CAMSAP3: variants seen among roughly 807,000 people sequenced by gnomAD.
CAMSAP3 encodes the protein calmodulin-regulated spectrin-associated protein 3.
In CAMSAP3, 34 loss-of-function variants were observed where a neutral mutation model predicts 112.5. That is an observed-to-expected ratio of 0.30 (90% CI 0.23 to 0.40). The LOEUF (loss-of-function observed/expected upper bound fraction) is 0.40, where lower values mean the gene tolerates loss of function less well. Ranked by LOEUF, CAMSAP3 falls within the 10% of genes least tolerant of loss-of-function variation. The pLI is 1.00. For missense variants in CAMSAP3, 1,602 were observed against 1,770.3 expected (o/e 0.90, Z 1.71); for synonymous variants, 868 against 799.8 (o/e 1.09, Z -1.44).
At chr19:7,608,072 C>T (rs201927154) in intron 4 of CAMSAP3, 54 bp from the exon 5 acceptor site, 69 of 1,584,790 alleles carry the variant, frequency 4.4e-5, no homozygotes, top group Admixed American at 1.7e-4. Flanking sequence ...CCTGCATGAC[C>T]GCTGACCCTG....
Position 7,610,845 on chromosome 19 carries a change from A to C in CAMSAP3, c.995-32A>C. ...GGTCGGGGGCGGGTGGGAGAGCCAA[A>C]CCCCCGCCTGACCCTCTTCTCTGTA... is the stretch of plus-strand genomic sequence containing the variant. On this transcript the variant is annotated intron_variant, in intron 7 of 16. Transcript: ENST00000160298. This position sits in a 1 kb window ranked among gnomAD's most constrained non-coding sequence, Gnocchi z 4.9. The C allele has an allele frequency of 1.2e-6, 2 of 1,608,754 alleles. No homozygotes were observed. Among genetic ancestry groups the C allele is most frequent in the South Asian group, 1.1e-5 (1 of 90,718 alleles).
At chr19:7,616,774 G>A in intron 14 of CAMSAP3, 152 bp downstream of exon 14, 1 of 621,252 alleles carries the variant, frequency 1.6e-6, no homozygotes, top group Non-Finnish European at 2.9e-6. Context: ...GGGCACGTGT[G>A]CATGGGGCAT....
chr19:7,617,509 GC>G lies in CAMSAP3; in HGVS notation c.3326-28del, dbSNP rs753390738. ...TCCACAGCCCCTGCTCATTCCTGCTGCCCCCCACCCCCTCCCACTGCCTCAC... is the reference window on the plus strand; with the variant it reads ...TCCACAGCCCCTGCTCATTCCTGCTGCCCCCACCCCCTCCCACTGCCTCAC... On this transcript the variant is annotated intron_variant, in intron 15 of 16. Transcript: ENST00000160298. This position sits in a 1 kb window ranked among gnomAD's most constrained non-coding sequence, Gnocchi z 7.5. 751 of 1,608,336 alleles carry G rather than the reference GC, an allele frequency of 4.7e-4. 1 individual carries two copies. Among genetic ancestry groups the G allele is most frequent in the Non-Finnish European group, 6.1e-4 (713 of 1,175,034 alleles).
Position 7,611,694 on chromosome 19 carries a change from C to T in CAMSAP3, c.1201C>T (p.Leu401Phe), listed in dbSNP as rs767683062. The T allele has an allele frequency of 6.4e-7, 1 of 1,558,688 alleles. No individual in the cohort carries two copies. The highest frequency in any genetic ancestry group is 8.7e-7 in the Non-Finnish European group (1 of 1,149,778). The change falls in exon 11 of 17, where the codon CTC (leucine) becomes TTC (phenylalanine). Residue 401 changes from leucine to phenylalanine, a missense_variant. By Grantham distance (22) the Leu-to-Phe change is conservative (BLOSUM62 0). Around this residue, in one of 6 missense-constraint regions of CAMSAP3, gnomAD observed 1,100 missense variants for 1,135.7 expected, o/e 0.97. Coordinates refer to ENST00000160298, the MANE Select transcript of CAMSAP3 (RefSeq NM_020902.2). This position sits in a 1 kb window ranked among gnomAD's most constrained non-coding sequence, Gnocchi z 6.9. ...KAWNRQLSRPLSQAVSFSTPF... is the reference protein window; with the variant it reads ...KAWNRQLSRPFSQAVSFSTPF... ...CTCCCTCCGGCCGCCCAGCCGTCCCCTCTCCCAGGCTGTGTCATTCAGCAC... is the reference window on the plus strand; with the variant it reads ...CTCCCTCCGGCCGCCCAGCCGTCCCTTCTCCCAGGCTGTGTCATTCAGCAC...
chr19:7,606,140 CGCCCCCTCAAGCCCCA>C, intron 2 of CAMSAP3, 115 bp from the exon 3 acceptor site: 2 of 451,832 alleles, frequency 4.4e-6, no homozygotes, highest in African/African-American at 2.2e-5. Context: ...CCACTGGCCC[CGCCCCCTCAAGCCCCA>C]CCCCCCCCGT....
Position 7,615,824 on chromosome 19 carries a change from T to C in CAMSAP3, c.3112+105T>C, listed in dbSNP as rs1393712260. The C allele has an allele frequency of 8.0e-5, 4 of 49,974 alleles. No individual in the cohort carries two copies. Among genetic ancestry groups the C allele is most frequent in the Non-Finnish European group, 1.3e-4 (4 of 30,260 alleles). 3.1% of individuals were successfully genotyped at this position (49,974 alleles called of 1,614,324 possible). ...AGGGGGAGGGAGATGTAAGCAGGGG[T>C]GCCGGGAGGGGGCGGGTATGTGGGG... On this transcript the variant is annotated intron_variant, in intron 13 of 16. Coordinates refer to ENST00000160298, the MANE Select transcript of CAMSAP3 (RefSeq NM_020902.2). This position sits in a 1 kb window ranked among gnomAD's most constrained non-coding sequence, Gnocchi z 6.5.
At chr19:7,599,554 TCATCCATCCATCCATC>T (rs543900596) in intron 1 of CAMSAP3, among the ~76,000 whole-genome samples, 1 of 27,734 alleles carries the variant, frequency 3.6e-5, no homozygotes, top group Non-Finnish European at 7.1e-5. Flanking sequence ...ACCCATTCAT[TCATCCATCCATCCATC>T]CATCCATCCA....
Position 7,615,221 on chromosome 19 carries a change from G to A in CAMSAP3, c.2709G>A (p.Arg903=). 6.4e-7 allele frequency: 1 copy of A among 1,552,842 alleles called. No homozygotes were observed. The highest frequency in any genetic ancestry group is 2.4e-5 in the East Asian group (1 of 41,304). The part of the protein sequence containing the change: ...DKPEDEMAQK[R]ASLLERQQRR... The stretch of plus-strand genomic sequence containing the variant: ...CTGAGGACGAGATGGCCCAAAAGCG[G>A]GCCAGCCTGCTGGAGCGGCAGCAGC... Residue 903 remains arginine, a synonymous_variant, in exon 12 of 17, where the codon CGG becomes CGA. Coordinates refer to ENST00000160298, the MANE Select transcript of CAMSAP3 (RefSeq NM_020902.2). This position sits in a 1 kb window ranked among gnomAD's most constrained non-coding sequence, Gnocchi z 6.5.
intron 11 of CAMSAP3, among the ~76,000 whole-genome samples, chr19:7,613,844 C>T (rs1889179560): frequency 6.6e-6 from 1 of 152,122 alleles, no homozygotes; most frequent in Non-Finnish European, 1.5e-5. Flanking sequence ...CCATGGCTTT[C>T]CCAGCCGGGG....
At position 7,605,452 on chromosome 19, in the gene CAMSAP3, C is replaced by A; in HGVS notation, c.375C>A (p.Ala125=). The A allele has an allele frequency of 6.9e-7, 1 of 1,458,700 alleles. No homozygotes were observed. Among genetic ancestry groups the A allele is most frequent in the Non-Finnish European group, 9.1e-7 (1 of 1,103,088 alleles). The allele number at this position is 1,458,700 out of a possible 1,614,324, so 90.4% of individuals were successfully genotyped here. A position where few individuals can be genotyped will look rare whatever the true frequency, so the allele number is the denominator to read the frequency against. Residue 125 remains alanine (A), a synonymous_variant, in exon 2 of 17, where the codon GCC becomes GCA. Transcript: ENST00000160298. ...TGCCCGAGCGCCCGGTGCGCGAGGC[C>A]GACCTGAGGCACCAGCCCATTCTCA... ...PALPERPVRE[A]DLRHQPILMG... is the part of the protein sequence containing the mutation.
At position 7,612,928 on chromosome 19, in the gene CAMSAP3, A is replaced by G. The variant is rs1425604041; in HGVS notation, c.2435A>G (p.Lys812Arg). Residue 812 changes from lysine to arginine, a missense_variant, in exon 11 of 17, where the codon AAG becomes AGG. Transcript: ENST00000160298. ...GTAGACAGCCTCCCCCACCTGCGCA[A>G]GTTCTCGCCGAGCCAGGTGCCCGTG... ...HDVDSLPHLRKFSPSQVPVQT... is the reference protein window; with the variant it reads ...HDVDSLPHLRRFSPSQVPVQT... 1 of 1,609,244 alleles carries G rather than the reference A, an allele frequency of 6.2e-7. No individual in the cohort carries two copies. Among genetic ancestry groups the G allele is most frequent in the Non-Finnish European group, 8.5e-7 (1 of 1,179,008 alleles).
intron 1 of CAMSAP3, among the ~76,000 whole-genome samples, chr19:7,598,446 CAAG>C (rs1217123247): frequency 6.6e-6 from 1 of 152,056 alleles, no homozygotes; most frequent in East Asian, 1.9e-4. Flanking sequence ...TGGGAACTGA[CAAG>C]ATCAGGTATG....
At position 7,612,463 on chromosome 19, in the gene CAMSAP3, A is replaced by G; in HGVS notation, c.1970A>G (p.Asp657Gly). The change falls in exon 11 of 17, where the codon GAT becomes GGT. Residue 657 changes from aspartate to glycine, a missense_variant. By Grantham distance (94) the Asp-to-Gly change is moderately conservative. Transcript: ENST00000160298. ...GCGGAAGCAGAGGCGGAGGAGGCCG[A>G]TTCCGGTCCAGTCCCTGGTGGGGAG... Reference protein sequence around the residue: ...GEAEAEAEEADSGPVPGGERP... With the variant: ...GEAEAEAEEAGSGPVPGGERP... 6.4e-7 allele frequency: 1 copy of G among 1,573,698 alleles called. No homozygotes were observed. The highest frequency in any genetic ancestry group is 8.6e-7 in the Non-Finnish European group (1 of 1,162,250).
rs1230652667 is a variant in CAMSAP3 at position 7,606,410 on chromosome 19, C to T, written c.525+17C>T. On this transcript the variant is annotated intron_variant, in intron 3 of 16. Coordinates refer to ENST00000160298, the MANE Select transcript of CAMSAP3 (RefSeq NM_020902.2). Reference sequence around the variant, plus strand: ...GTGGACACGGTAGGTGGGGTTGGGCCTGGGGTGGGTTCGGGGACCAGCATC... The same window carrying T: ...GTGGACACGGTAGGTGGGGTTGGGCTTGGGGTGGGTTCGGGGACCAGCATC... 6.2e-7 allele frequency: 1 copy of T among 1,612,848 alleles called. No homozygotes were observed. Among genetic ancestry groups the T allele is most frequent in the East Asian group, 2.2e-5 (1 of 44,892 alleles).
intron 1 of CAMSAP3, among the ~76,000 whole-genome samples, chr19:7,602,905 T>C (rs4804755): frequency 0.69 from 103,497 of 149,556 alleles, 36,070 homozygotes; most frequent in Admixed American, 0.75. Context: ...GAGGGCAGCA[T>C]CGAGCTCAGG....
At chr19:7,608,354 G>A (rs1395667115) in intron 5 of CAMSAP3, 90 bp downstream of exon 5, 219 of 1,471,086 alleles carry the variant, frequency 1.5e-4, no homozygotes, top group East Asian at 2.3e-5. Flanking sequence ...AGGTCCGCGA[G>A]ACCAGCAACG....
chr19:7,611,921 T>C lies in CAMSAP3; in HGVS notation c.1428T>C (p.Asp476=). 1 of 1,589,120 alleles carries C rather than the reference T, an allele frequency of 6.3e-7. No homozygotes were observed. Among genetic ancestry groups the C allele is most frequent in the South Asian group, 1.1e-5 (1 of 89,122 alleles). ...IHSAEPRLLP[D]GAADGSFYLH... ...GTGCCGAGCCCCGGCTCCTCCCAGATGGGGCGGCCGACGGCAGCTTCTACC... is the reference window on the plus strand; with the variant it reads ...GTGCCGAGCCCCGGCTCCTCCCAGACGGGGCGGCCGACGGCAGCTTCTACC... The change falls in exon 11 of 17, where the codon GAT becomes GAC. Residue 476 remains aspartate, a synonymous_variant. Coordinates refer to ENST00000160298, the MANE Select transcript of CAMSAP3 (RefSeq NM_020902.2). The surrounding 1 kb of genome is among the most constrained non-coding windows in gnomAD (Gnocchi z 6.9).
At chr19:7,606,156 A>AGCC in intron 2 of CAMSAP3, 115 bp from the exon 3 acceptor site, 1 of 224,848 alleles carries the variant, frequency 4.4e-6, no homozygotes. Flanking sequence ...CTCAAGCCCC[A>AGCC]CCCCCCCCGT....
At chr19:7,602,612 G>T (rs1296451496) in intron 1 of CAMSAP3, among the ~76,000 whole-genome samples, 2 of 152,090 alleles carry the variant, frequency 1.3e-5, no homozygotes, top group Non-Finnish European at 2.9e-5. Flanking sequence ...TGCCTTGGGG[G>T]CAGGGAGGAG....
Sources: allele counts gnomAD v4.1 joint callset (sites outside exome capture counted in the v4.1 genomes callset), GRCh38; gene constraint gnomAD v4.1.1; regional missense constraint gnomAD v4.1.1; non-coding constraint Gnocchi (gnomAD v3.1); transcripts MANE v1.5; gene names NCBI Gene and HGNC (gene_info 2026-07-23, HGNC 2026-07-21).